SMCO4: variants seen among roughly 807,000 people sequenced by gnomAD.
SMCO4 encodes single-pass membrane and coiled-coil domain-containing protein 4.
In SMCO4, 4 loss-of-function variants were observed where a neutral mutation model predicts 3.6. The observed-to-expected ratio is 1.11, with a 90% CI of 0.54 to 2.53. The LOEUF is 2.53. Among genes scored for constraint, SMCO4 ranks in the 30% most tolerant of loss-of-function variants. The probability of loss-of-function intolerance (pLI) is 0.02; values close to 1 mark genes in which losing one functional copy is unlikely to be tolerated. For missense variants in SMCO4, 70 were observed against 80.8 expected (o/e 0.87, Z 0.51); for synonymous variants, 36 against 35.3 (o/e 1.02, Z -0.07).
At chr11:93,496,081 G>A (rs972316247) in intron 2 of SMCO4, among the ~76,000 whole-genome samples, 1 of 152,178 alleles carries the variant, frequency 6.6e-6, no homozygotes, top group East Asian at 1.9e-4. Flanking sequence ...GCAGGATGAG[G>A]TCACCAACAG....
rs117903693 is a variant in SMCO4 at position 93,498,091 on chromosome 11, A to C, written c.-81+1185T>G. ...AATTGATAACAGGATATACATATTAAAAGCCTCACACTGAAGCCCAATACA... is the reference window on the plus strand; with the variant it reads ...AATTGATAACAGGATATACATATTACAAGCCTCACACTGAAGCCCAATACA... On this transcript the variant is annotated intron_variant, in intron 2 of 2. Transcript: ENST00000298966. Among the ~76,000 whole-genome samples the C allele has an allele frequency of 4.1e-3, 619 of 152,340 alleles. 3 individuals are homozygous for C. Among genetic ancestry groups the C allele is most frequent in the Non-Finnish European group, 6.8e-3 (460 of 68,038 alleles).
At chr11:93,517,044 G>T (rs1292109867) in intron 1 of SMCO4, among the ~76,000 whole-genome samples, 2 of 152,000 alleles carry the variant, frequency 1.3e-5, no homozygotes, top group Non-Finnish European at 1.5e-5. Context: ...GGTTCACCTG[G>T]GCCCAGGTGA....
the SMCO4 span, among the ~76,000 whole-genome samples, chr11:93,553,945 C>T: frequency 6.6e-6 from 1 of 152,208 alleles, no homozygotes; most frequent in Non-Finnish European, 1.5e-5. Context: ...CCCAGCATTG[C>T]AACTTCTGAA....
intron 2 of SMCO4, among the ~76,000 whole-genome samples, chr11:93,479,924 C>T (rs997257539): frequency 6.6e-6 from 1 of 152,096 alleles, no homozygotes; most frequent in Non-Finnish European, 1.5e-5. Flanking sequence ...GATGGAGACC[C>T]GGGTCACAGT....
chr11:93,523,691 T>C (rs1300796873), intron 1 of SMCO4, among the ~76,000 whole-genome samples: 1 of 152,198 alleles, frequency 6.6e-6, no homozygotes, highest in South Asian at 2.1e-4. Context: ...ATTTAGTTTT[T>C]TAAGTCTTTT....
chr11:93,480,040 C>G (rs1299427148), intron 2 of SMCO4, among the ~76,000 whole-genome samples: 1 of 152,196 alleles, frequency 6.6e-6, no homozygotes, highest in Non-Finnish European at 1.5e-5. Context: ...TGAAGTAGAA[C>G]TTTCAGGGGC....
chr11:93,533,488 G>C (rs1949182527), intron 1 of SMCO4, among the ~76,000 whole-genome samples: 1 of 152,174 alleles, frequency 6.6e-6, no homozygotes, highest in African/African-American at 2.4e-5. Flanking sequence ...AGAGAGCTGG[G>C]CCTACTTGTG....
chr11:93,492,102 C>T (rs759985998), intron 2 of SMCO4, among the ~76,000 whole-genome samples: 1 of 152,224 alleles, frequency 6.6e-6, no homozygotes, highest in Non-Finnish European at 1.5e-5. Flanking sequence ...AAAGATTGTG[C>T]ATCCGGGCCT....
intron 2 of SMCO4, among the ~76,000 whole-genome samples, chr11:93,496,399 A>G (rs1454401626): frequency 1.3e-5 from 2 of 152,166 alleles, no homozygotes; most frequent in Non-Finnish European, 2.9e-5. Context: ...ACAACTACGT[A>G]CCTTAATAAG....
upstream of SMCO4, among the ~76,000 whole-genome samples, chr11:93,547,033 T>C (rs1325905230): frequency 6.6e-6 from 1 of 152,174 alleles, no homozygotes; most frequent in African/African-American, 2.4e-5. Context: ...GGTACATTAT[T>C]TGGGAAATAA....
chr11:93,541,216 G>A (rs1361189010), intron 1 of SMCO4, among the ~76,000 whole-genome samples: 1 of 152,230 alleles, frequency 6.6e-6, no homozygotes, highest in Non-Finnish European at 1.5e-5. Flanking sequence ...GCCAGCTTAT[G>A]ACCAGGAAGC....
chr11:93,507,828 A>G (rs957064736), intron 1 of SMCO4, among the ~76,000 whole-genome samples: 2 of 152,326 alleles, frequency 1.3e-5, no homozygotes, highest in African/African-American at 4.8e-5. Flanking sequence ...ATATAGTTCA[A>G]CCAACACAAT....
At chr11:93,506,501 C>T (rs901273447) in intron 1 of SMCO4, among the ~76,000 whole-genome samples, 26 of 151,228 alleles carry the variant, frequency 1.7e-4, no homozygotes, top group African/African-American at 4.6e-4. Flanking sequence ...TACAGTGGCA[C>T]GATCTCGGCT....
At chr11:93,541,373 G>C (rs943804526) in intron 1 of SMCO4, among the ~76,000 whole-genome samples, 1 of 152,126 alleles carries the variant, frequency 6.6e-6, no homozygotes. Flanking sequence ...GAGAAGTCTG[G>C]GCATGCCAGA....
chr11:93,483,995 G>A (rs941475843), intron 2 of SMCO4, among the ~76,000 whole-genome samples: 1 of 152,232 alleles, frequency 6.6e-6, no homozygotes, highest in African/African-American at 2.4e-5. Context: ...GATGGAAGCT[G>A]CAGCCTCCAG....
At chr11:93,494,739 G>C (rs1429238762) in intron 2 of SMCO4, among the ~76,000 whole-genome samples, 1 of 152,208 alleles carries the variant, frequency 6.6e-6, no homozygotes, top group Non-Finnish European at 1.5e-5. Flanking sequence ...TTGCATATCT[G>C]AATCAGATCA....
At chr11:93,491,117 A>C (rs1948709687) in intron 2 of SMCO4, among the ~76,000 whole-genome samples, 1 of 152,256 alleles carries the variant, frequency 6.6e-6, no homozygotes, top group Non-Finnish European at 1.5e-5. Context: ...TCAAATAGGT[A>C]CTTTAAAACA....
At chr11:93,511,952 A>G (rs1264435596) in intron 1 of SMCO4, among the ~76,000 whole-genome samples, 1 of 152,232 alleles carries the variant, frequency 6.6e-6, no homozygotes, top group Non-Finnish European at 1.5e-5. Context: ...AACTGGGTCA[A>G]TAGTGATCTC....
chr11:93,531,394 T>C (rs1949160731), intron 1 of SMCO4, among the ~76,000 whole-genome samples: 1 of 152,120 alleles, frequency 6.6e-6, no homozygotes, highest in Non-Finnish European at 1.5e-5. Flanking sequence ...GGATTGGAAC[T>C]GACACCATTG....
Sources: allele counts gnomAD v4.1 joint callset (sites outside exome capture counted in the v4.1 genomes callset), GRCh38; gene constraint gnomAD v4.1.1; transcripts MANE v1.5; gene names NCBI Gene and HGNC (gene_info 2026-07-23, HGNC 2026-07-21).